OGDHL: variants seen among roughly 807,000 people sequenced by gnomAD.
OGDHL encodes the protein oxoglutarate dehydrogenase L, also known as 2-oxoglutarate dehydrogenase-like, mitochondrial.
A neutral mutation model predicts 109.6 loss-of-function variants in OGDHL; 79 were observed. That is an observed-to-expected ratio of 0.72 (90% CI 0.60 to 0.87). OGDHL has a LOEUF of 0.87. Ranked by LOEUF, OGDHL falls within the 40% of genes least tolerant of loss-of-function variation. The pLI, the probability that OGDHL is intolerant of heterozygous loss-of-function variation, is 0.00. For missense variants in OGDHL, 1,275 were observed against 1,362.2 expected (o/e 0.94, Z 1.01); for synonymous variants, 528 against 537.2 (o/e 0.98, Z 0.24).
intron 1 of OGDHL, among the ~76,000 whole-genome samples, chr10:49,761,624 A>T (rs1436531336): frequency 6.6e-6 from 1 of 152,200 alleles, no homozygotes; most frequent in East Asian, 1.9e-4. Flanking sequence ...GAGGGGCGTC[A>T]AAGGGTCTCT....
intron 20 of OGDHL, 132 bp from the exon 21 acceptor site, chr10:49,736,652 G>T (rs1312079276): frequency 2.2e-6 from 2 of 927,286 alleles, no homozygotes; most frequent in South Asian, 1.7e-5. Context: ...TGGCTGCAGT[G>T]GACACCTCTT....
intron 2 of OGDHL, among the ~76,000 whole-genome samples, chr10:49,757,793 C>T (rs142635988): frequency 6.6e-6 from 1 of 152,306 alleles, no homozygotes; most frequent in African/African-American, 2.4e-5. Flanking sequence ...TAAAGGGAGA[C>T]AAATCCAGAG....
At chr10:49,735,876 A>C in intron 22 of OGDHL, 147 bp downstream of exon 22, 2 of 895,070 alleles carry the variant, frequency 2.2e-6, no homozygotes, top group Non-Finnish European at 3.1e-6. Context: ...CAGAACAAAC[A>C]CAAAGCCAGT....
intron 21 of OGDHL, 23 bp from the exon 22 acceptor site, chr10:49,736,200 G>A: frequency 6.4e-7 from 1 of 1,574,630 alleles, no homozygotes; most frequent in East Asian, 2.2e-5. Flanking sequence ...AAACAAAGGA[G>A]CATAGCCAGA....
chr10:49,756,291 G>C (rs985457942), intron 3 of OGDHL, among the ~76,000 whole-genome samples: 4 of 152,206 alleles, frequency 2.6e-5, no homozygotes, highest in African/African-American at 9.7e-5. Flanking sequence ...GACAGAGCAG[G>C]GGCCCAGCAT....
intron 12 of OGDHL, among the ~76,000 whole-genome samples, 189 bp from the exon 13 acceptor site, chr10:49,744,941 A>C (rs958952406): frequency 7.2e-5 from 11 of 152,322 alleles, no homozygotes; most frequent in African/African-American, 2.6e-4. Context: ...AGGTACCCCG[A>C]GGCTGGGCAG....
chr10:49,739,351 C>A, intron 17 of OGDHL: 1 of 298,182 alleles, frequency 3.4e-6, no homozygotes. Context: ...GTTTCCTCAT[C>A]TGAAAAGCAG....
chr10:49,741,831 A>T (rs1590697548), intron 15 of OGDHL, among the ~76,000 whole-genome samples: 1 of 146,602 alleles, frequency 6.8e-6, no homozygotes, highest in East Asian at 2.1e-4. Flanking sequence ...TACACCACAC[A>T]CATCCATGCA....
At chr10:49,756,403 T>C (rs1205699498) in intron 3 of OGDHL, among the ~76,000 whole-genome samples, 1 of 152,184 alleles carries the variant, frequency 6.6e-6, no homozygotes, top group African/African-American at 2.4e-5. Flanking sequence ...TATCAGTCCC[T>C]GTTCTCCCAG....
chr10:49,735,418 C>T (rs1841082739), intron 22 of OGDHL, 67 bp from the exon 23 acceptor site: 3 of 1,570,756 alleles, frequency 1.9e-6, no homozygotes, highest in South Asian at 2.4e-5. Context: ...TGCCCTCACT[C>T]CGGGACTGCA....
At chr10:49,744,795 C>A (rs751912307) in intron 12 of OGDHL, 43 bp from the exon 13 acceptor site, 5 of 1,495,902 alleles carry the variant, frequency 3.3e-6, no homozygotes, top group East Asian at 2.3e-5. Context: ...CAAAGCCCTG[C>A]GCAGCCAGAC....
intron 3 of OGDHL, among the ~76,000 whole-genome samples, chr10:49,755,966 C>T (rs1364595114): frequency 1.3e-5 from 2 of 152,204 alleles, no homozygotes; most frequent in African/African-American, 2.4e-5. Context: ...GGTCCTCAGG[C>T]CAGAAGGGAA....
intron 2 of OGDHL, 33 bp downstream of exon 2, chr10:49,758,356 T>C: frequency 1.9e-6 from 3 of 1,580,150 alleles, no homozygotes; most frequent in Non-Finnish European, 2.6e-6. Context: ...TTCCCTCCCT[T>C]GCGGTGGCCC....
chr10:49,762,176 T>G (rs1264015234), intron 1 of OGDHL, 63 bp downstream of exon 1: 1 of 152,024 alleles, frequency 6.6e-6, no homozygotes, highest in Admixed American at 6.5e-5. Context: ...GTGGGGCCGG[T>G]CCCCAGGACG....
intron 15 of OGDHL, among the ~76,000 whole-genome samples, chr10:49,741,757 C>A (rs111663209): frequency 4.7e-5 from 7 of 148,752 alleles, no homozygotes; most frequent in Non-Finnish European, 7.4e-5. Flanking sequence ...ACCACACACA[C>A]CAAACACCAC....
At chr10:49,757,643 T>A (rs1564561659) in intron 2 of OGDHL, among the ~76,000 whole-genome samples, 2 of 152,196 alleles carry the variant, frequency 1.3e-5, no homozygotes, top group Non-Finnish European at 2.9e-5. Context: ...GGGTGGCACA[T>A]ACATGCAATG....
Position 49,752,736 on chromosome 10 carries a change from C to T in OGDHL, c.380G>A (p.Arg127Gln). 1.9e-6 allele frequency: 3 copies of T among 1,613,108 alleles called. No homozygotes were observed. The highest frequency in any genetic ancestry group is 1.7e-5 in the Admixed American group (1 of 60,004). Residue 127 changes from arginine (R) to glutamine (Q), a missense_variant, in exon 4 of 23, where the codon CGG becomes CAG. Arg to Gln is a conservative substitution (Grantham distance 43). Coordinates refer to ENST00000374103, the MANE Select transcript of OGDHL (RefSeq NM_018245.3). ...VQSLIRAYQI[R>Q]GHHVAQLDPL... The stretch of plus-strand genomic sequence containing the variant: ...GTCCAGCTGGGCCACATGGTGACCC[C>T]GGATCTGGGAGGAGGGAAAAGAGCA...
intron 6 of OGDHL, 23 bp from the exon 7 acceptor site, chr10:49,751,008 G>C (rs745944737): frequency 1.3e-6 from 2 of 1,572,836 alleles, no homozygotes; most frequent in South Asian, 2.3e-5. Context: ...AGGATGGGAA[G>C]AGGAAAGGGA....
chr10:49,742,584 CAT>C (rs1491295419), intron 15 of OGDHL, among the ~76,000 whole-genome samples: 2 of 140,910 alleles, frequency 1.4e-5, no homozygotes, highest in Non-Finnish European at 3.1e-5. Flanking sequence ...CCCACACACA[CAT>C]GATCCTGAGG....
Sources: gnomAD v4.1 joint callset for allele counts (sites outside exome capture counted in the v4.1 genomes callset) on GRCh38, gnomAD v4.1.1 for gene constraint, MANE v1.5 for transcripts, NCBI Gene and HGNC (gene_info 2026-07-23, HGNC 2026-07-21) for gene names.